ZBTB20: variants seen among roughly 807,000 people sequenced by gnomAD.
ZBTB20 encodes zinc finger and BTB domain containing 20.
A neutral mutation model predicts 56.9 loss-of-function variants in ZBTB20; 9 were observed. That is an observed-to-expected ratio of 0.16 (90% CI 0.10 to 0.28). The LOEUF is 0.28. ZBTB20 is among the 10% of genes least tolerant of loss of function. The probability of loss-of-function intolerance (pLI) is 1.00; values close to 1 mark genes in which losing one functional copy is unlikely to be tolerated. For synonymous variants in ZBTB20, 417 were observed against 420.7 expected, an observed-to-expected ratio of 0.99 and a Z score of 0.11; for missense variants, 655 against 1,003.0, an observed-to-expected ratio of 0.65 and a Z score of 4.69.
At chr3:114,820,577 G>A (rs1306794303) in intron 4 of ZBTB20, among the ~76,000 whole-genome samples, 1 of 151,940 alleles carries the variant, frequency 6.6e-6, no homozygotes, top group East Asian at 1.9e-4. Context: ...GGAAAAAAAA[G>A]TTATTTTAAG....
intron 3 of ZBTB20, among the ~76,000 whole-genome samples, chr3:114,946,247 T>C (rs2107880926): frequency 6.9e-6 from 1 of 145,772 alleles, no homozygotes; most frequent in East Asian, 1.9e-4. Context: ...GCACCAAAAG[T>C]ATCCTTAAAC....
At chr3:115,083,264 G>A (rs938624866) in intron 1 of ZBTB20, among the ~76,000 whole-genome samples, 15 of 151,718 alleles carry the variant, frequency 9.9e-5, no homozygotes, top group East Asian at 1.9e-4. Context: ...ATTGATCATC[G>A]CATCCACATT....
At chr3:114,971,638 A>G (rs1186310034) in intron 3 of ZBTB20, among the ~76,000 whole-genome samples, 1 of 152,214 alleles carries the variant, frequency 6.6e-6, no homozygotes, top group Non-Finnish European at 1.5e-5. Context: ...TGTCAAAAAA[A>G]GTGGGACATG....
intron 2 of ZBTB20, among the ~76,000 whole-genome samples, chr3:115,061,174 G>C (rs557169030): frequency 6.6e-6 from 1 of 152,160 alleles, no homozygotes; most frequent in East Asian, 1.9e-4. Context: ...TATAAATGGA[G>C]ATAATAAAAT....
At chr3:114,545,144 C>G (rs1458606240) in intron 6 of ZBTB20, among the ~76,000 whole-genome samples, 1 of 152,176 alleles carries the variant, frequency 6.6e-6, no homozygotes, top group Admixed American at 6.5e-5. Flanking sequence ...ATGTATGCTT[C>G]TGGGTAGTCT....
At chr3:114,618,831 T>A (rs1449473367) in intron 6 of ZBTB20, among the ~76,000 whole-genome samples, 1 of 152,206 alleles carries the variant, frequency 6.6e-6, no homozygotes, top group Non-Finnish European at 1.5e-5. Flanking sequence ...TTGCACTTTG[T>A]TCATGATGTA....
chr3:114,968,054 T>C (rs1263789955), intron 3 of ZBTB20, among the ~76,000 whole-genome samples: 1 of 152,092 alleles, frequency 6.6e-6, no homozygotes, highest in Admixed American at 6.6e-5. Context: ...AATATTTGTA[T>C]ATATGTATAC....
At chr3:114,352,420 A>T (rs1375661608) in intron 10 of ZBTB20, among the ~76,000 whole-genome samples, 1 of 152,202 alleles carries the variant, frequency 6.6e-6, no homozygotes, top group East Asian at 1.9e-4. Context: ...CTTCCTATTA[A>T]GTCATATGGC....
chr3:114,530,495 T>C (rs1380504702), intron 6 of ZBTB20, among the ~76,000 whole-genome samples: 1 of 152,184 alleles, frequency 6.6e-6, no homozygotes, highest in Non-Finnish European at 1.5e-5. Flanking sequence ...AACGATGAAA[T>C]TGCCTAATGA....
chr3:114,791,345 C>T (rs2070942924), intron 5 of ZBTB20, among the ~76,000 whole-genome samples: 1 of 152,150 alleles, frequency 6.6e-6, no homozygotes, highest in Admixed American at 6.6e-5. Flanking sequence ...AAAATGAGAG[C>T]TTTCCATGCA....
rs141347049 is a variant in ZBTB20 at position 114,594,955 on chromosome 3, T to C, written c.-294-94564A>G. 1.3e-4 allele frequency among the ~76,000 whole-genome samples: 20 copies of C among 152,366 alleles called. No homozygotes were observed. The East Asian group carries it at 3.9e-3, about 29-fold the overall frequency. ...TGCATGTTAGTCTAATGTATAAGAA[T>C]TAGGAAAACAATACTAAATCTCTTG... On this transcript the variant is annotated intron_variant, in intron 6 of 11. Coordinates refer to ENST00000675478, the MANE Select transcript of ZBTB20 (RefSeq NM_001348800.3).
chr3:114,452,078 G>GAAAA (rs763267388), intron 7 of ZBTB20, among the ~76,000 whole-genome samples: 1 of 145,614 alleles, frequency 6.9e-6, no homozygotes, highest in South Asian at 2.4e-4. Flanking sequence ...AAAGAAAAAA[G>GAAAA]AAAAAAAAGG....
intron 7 of ZBTB20, among the ~76,000 whole-genome samples, chr3:114,407,399 G>T (rs982472163): frequency 6.6e-6 from 1 of 152,070 alleles, no homozygotes; most frequent in Non-Finnish European, 1.5e-5. Context: ...TTATTGCAAG[G>T]CTTCTTATTT....
intron 6 of ZBTB20, among the ~76,000 whole-genome samples, chr3:114,595,245 A>G (rs941661532): frequency 6.6e-6 from 1 of 152,204 alleles, no homozygotes; most frequent in Non-Finnish European, 1.5e-5. Flanking sequence ...ATATGACATA[A>G]TATCTGGAGG....
At chr3:114,656,732 A>G (rs879266784) in intron 6 of ZBTB20, among the ~76,000 whole-genome samples, 3 of 151,986 alleles carry the variant, frequency 2.0e-5, no homozygotes, top group Admixed American at 2.0e-4. Context: ...CTGTTCCCTC[A>G]TTATGACTAT....
intron 7 of ZBTB20, among the ~76,000 whole-genome samples, chr3:114,455,476 T>G (rs1203325011): frequency 6.6e-6 from 1 of 152,130 alleles, no homozygotes; most frequent in Non-Finnish European, 1.5e-5. Context: ...ACCATAGATA[T>G]TTATGTGCAG....
intron 6 of ZBTB20, among the ~76,000 whole-genome samples, chr3:114,598,466 C>T (rs1245109571): frequency 6.6e-6 from 1 of 150,834 alleles, no homozygotes; most frequent in South Asian, 2.1e-4. Context: ...TATGCTCAAT[C>T]CCTCTTGTAT....
chr3:114,721,796 T>C (rs1247961037), intron 5 of ZBTB20, among the ~76,000 whole-genome samples: 3 of 152,170 alleles, frequency 2.0e-5, no homozygotes, highest in Admixed American at 6.5e-5. Context: ...GAGCAATAAA[T>C]TCGTGGGATT....
chr3:114,409,328 G>A (rs2067756), intron 7 of ZBTB20, among the ~76,000 whole-genome samples: 29,685 of 151,718 alleles, frequency 0.2, 3,721 homozygotes, highest in African/African-American at 0.35. Flanking sequence ...AAGCAGGCAC[G>A]ATTTGATTTA....
Sources: allele counts gnomAD v4.1 joint callset (sites outside exome capture counted in the v4.1 genomes callset), GRCh38; gene constraint gnomAD v4.1.1; transcripts MANE v1.5; gene names NCBI Gene and HGNC (gene_info 2026-07-23, HGNC 2026-07-21).